KYAT1: variants seen among roughly 807,000 people sequenced by gnomAD.
KYAT1 encodes the protein kynurenine aminotransferase 1.
KYAT1 carries 47 observed loss-of-function variants against 52.4 expected under a neutral mutation model. That is an observed-to-expected ratio of 0.90 (90% CI 0.71 to 1.14). The LOEUF is 1.14. Ranked by LOEUF, KYAT1 falls within the 50% of genes most tolerant of loss-of-function variation. The pLI is 0.00. For missense variants in KYAT1, 480 were observed against 557.9 expected (o/e 0.86, Z 1.41); for synonymous variants, 212 against 209.6 (o/e 1.01, Z -0.10).
chr9:128,871,307 G>C (rs1837196802), intron 1 of KYAT1, among the ~76,000 whole-genome samples: 1 of 151,804 alleles, frequency 6.6e-6, no homozygotes, highest in African/African-American at 2.4e-5. Context: ...GACAGAGTGA[G>C]ACCTTGTCTT....
At chr9:128,872,959 G>A (rs1019424319) in intron 1 of KYAT1, among the ~76,000 whole-genome samples, 7 of 149,474 alleles carry the variant, frequency 4.7e-5, no homozygotes, top group African/African-American at 1.7e-4. Flanking sequence ...GCCTGTAATC[G>A]CAGCTACTTC....
chr9:128,854,057 T>C (rs1258113043), intron 1 of KYAT1, among the ~76,000 whole-genome samples: 1 of 152,156 alleles, frequency 6.6e-6, no homozygotes, highest in Non-Finnish European at 1.5e-5. Flanking sequence ...CATAAAAAAT[T>C]AAAACAGATA....
chr9:128,867,110 G>GT lies in KYAT1; in HGVS notation c.-7+14786dup, dbSNP rs553385325. Among the ~76,000 whole-genome samples the GT allele has an allele frequency of 2.2e-4, 34 of 152,282 alleles. No homozygotes were observed. In the South Asian group the frequency reaches 6.8e-3, roughly 31 times the overall value. On this transcript the variant is annotated intron_variant, in intron 1 of 12. Transcript: ENST00000302586. ...CACTAGGTTAAGAGTGTTCACTGGT[G>GT]TAAGTTTTGGAGGGCAATTTAATAA...
At chr9:128,864,349 G>C (rs1421643119) in intron 1 of KYAT1, among the ~76,000 whole-genome samples, 2 of 125,642 alleles carry the variant, frequency 1.6e-5, no homozygotes, top group Non-Finnish European at 3.2e-5. Context: ...CTGGGCGACA[G>C]AGCGAGACTC....
intron 4 of KYAT1, 34 bp from the exon 5 acceptor site, chr9:128,838,171 T>C: frequency 1.9e-6 from 3 of 1,614,168 alleles, no homozygotes; most frequent in Non-Finnish European, 2.5e-6. Flanking sequence ...GGAGTCAGCA[T>C]GGCCCTGACC....
chr9:128,833,941 C>T, intron 11 of KYAT1, 115 bp from the exon 12 acceptor site: 1 of 752,846 alleles, frequency 1.3e-6, no homozygotes, highest in Non-Finnish European at 2.3e-6. Context: ...AGCTCCAATC[C>T]AGCACCTAGA....
At chr9:128,835,698 T>A in intron 9 of KYAT1, 31 bp from the exon 10 acceptor site, 1 of 1,607,710 alleles carries the variant, frequency 6.2e-7, no homozygotes, top group Non-Finnish European at 8.5e-7. Context: ...CACAGATAGA[T>A]CAGCTGTTCC....
chr9:128,840,311 T>C (rs1162871838), intron 3 of KYAT1, among the ~76,000 whole-genome samples: 1 of 151,726 alleles, frequency 6.6e-6, no homozygotes, highest in Non-Finnish European at 1.5e-5. Context: ...CAGGCTGGAG[T>C]GCAATGGCAC....
intron 1 of KYAT1, among the ~76,000 whole-genome samples, chr9:128,845,831 C>T (rs974471436): frequency 6.6e-6 from 1 of 152,220 alleles, no homozygotes; most frequent in Non-Finnish European, 1.5e-5. Context: ...GCAGCCTCCA[C>T]TTACAGAGGT....
upstream of KYAT1, chr9:128,882,194 G>T (rs1839053597): frequency 6.5e-6 from 1 of 153,208 alleles, no homozygotes; most frequent in South Asian, 1.9e-4. Context: ...CCGGCGGCGG[G>T]ACGGAGCGGC....
chr9:128,847,949 C>G (rs75519429), intron 1 of KYAT1, among the ~76,000 whole-genome samples: 2,162 of 152,130 alleles, frequency 0.014, 21 homozygotes, highest in Middle Eastern at 0.048. Flanking sequence ...TAAAAGTGGC[C>G]CTAAATTAGA....
At chr9:128,856,862 T>G (rs1206211906) in intron 1 of KYAT1, among the ~76,000 whole-genome samples, 1 of 152,182 alleles carries the variant, frequency 6.6e-6, no homozygotes, top group Admixed American at 6.5e-5. Context: ...GACCTGACTG[T>G]CCCCCAGCCC....
chr9:128,845,636 T>C, intron 1 of KYAT1: 1 of 550,840 alleles, frequency 1.8e-6, no homozygotes, highest in Non-Finnish European at 3.2e-6. Context: ...AGCCTCCACC[T>C]CCCCAACCTG....
At chr9:128,855,499 T>C (rs1834480975) in intron 1 of KYAT1, among the ~76,000 whole-genome samples, 1 of 152,262 alleles carries the variant, frequency 6.6e-6, no homozygotes, top group African/African-American at 2.4e-5. Context: ...AGCCACATTA[T>C]ACTATTAACC....
At chr9:128,864,419 C>T (rs987664977) in intron 1 of KYAT1, among the ~76,000 whole-genome samples, 4 of 140,038 alleles carry the variant, frequency 2.9e-5, no homozygotes, top group African/African-American at 1.0e-4. Flanking sequence ...GTAAAATACA[C>T]ATATCATAAA....
intron 1 of KYAT1, among the ~76,000 whole-genome samples, chr9:128,865,338 TATATATATATATATA>T (rs1836150234): frequency 1.8e-3 from 4 of 2,168 alleles, no homozygotes; most frequent in Non-Finnish European, 2.9e-3. Flanking sequence ...TATATATATA[TATATATATATATATA>T]TATATATTTT....
intron 1 of KYAT1, among the ~76,000 whole-genome samples, chr9:128,862,485 A>C (rs1409887076): frequency 6.6e-6 from 1 of 152,238 alleles, no homozygotes; most frequent in Non-Finnish European, 1.5e-5. Flanking sequence ...CAGGCCTTAT[A>C]GCAGATTGTA....
Position 128,835,344 on chromosome 9 carries a change from G to A in KYAT1, c.1101C>T (p.Val367=). ...CCACCTTGTTCTTGATCATCCACTT[G>A]ACGAAGCGTCTGTCATAGGGCTCAT... The part of the protein sequence containing the change: ...AVDEPYDRRF[V]KWMIKNKGLV... Residue 367 remains valine (V), a synonymous_variant, in exon 11 of 13, where the codon GTC becomes GTT. Coordinates refer to ENST00000302586, the MANE Select transcript of KYAT1 (RefSeq NM_004059.5). The A allele has an allele frequency of 6.2e-7, 1 of 1,613,880 alleles. No homozygotes were observed. Among genetic ancestry groups the A allele is most frequent in the Non-Finnish European group, 8.5e-7 (1 of 1,179,944 alleles).
At chr9:128,877,252 C>T (rs1427578296) in intron 1 of KYAT1, among the ~76,000 whole-genome samples, 1 of 152,084 alleles carries the variant, frequency 6.6e-6, no homozygotes, top group Non-Finnish European at 1.5e-5. Flanking sequence ...TTTCCCCTGC[C>T]TGGCATACCC....
Sources: allele counts gnomAD v4.1 joint callset (sites outside exome capture counted in the v4.1 genomes callset), GRCh38; gene constraint gnomAD v4.1.1; transcripts MANE v1.5; gene names NCBI Gene and HGNC (gene_info 2026-07-23, HGNC 2026-07-21).